Variants in SCAPER observed in about 807,000 individuals in gnomAD.
The protein encoded by SCAPER is S phase cyclin A-associated protein in the endoplasmic reticulum.
In SCAPER, 98 loss-of-function variants were observed where a neutral mutation model predicts 182.2. The observed-to-expected ratio is 0.54, with a 90% CI of 0.46 to 0.64. SCAPER has a LOEUF of 0.64. Among genes scored for constraint, SCAPER ranks in the 30% least tolerant of loss-of-function variants. SCAPER has a pLI of 0.00. For synonymous variants in SCAPER, 605 were observed against 564.6 expected, an observed-to-expected ratio of 1.07 and a Z score of -1.01; for missense variants, 1,432 against 1,690.0, an observed-to-expected ratio of 0.85 and a Z score of 2.68.
intron 22 of SCAPER, among the ~76,000 whole-genome samples, chr15:76,601,355 T>A (rs1446620642): frequency 1.6e-5 from 2 of 122,374 alleles, no homozygotes; most frequent in Non-Finnish European, 4.0e-5. Flanking sequence ...ACTGCATATA[T>A]GACAGTGGTC....
Position 76,434,296 on chromosome 15 carries a change from A to T in SCAPER, c.3093T>A (p.Asp1031Glu), listed in dbSNP as rs1217935233. 2 of 1,607,410 alleles carry T rather than the reference A, an allele frequency of 1.2e-6. No individual in the cohort carries two copies. The highest frequency in any genetic ancestry group is 3.4e-5 in the Admixed American group (2 of 59,094). Reference sequence around the variant, plus strand: ...TTCTCCCCAAAATAGTATTATTTTCATCTGGAACATAAACCTAGATGAAAA... The same window carrying T: ...TTCTCCCCAAAATAGTATTATTTTCTTCTGGAACATAAACCTAGATGAAAA... ...LIHQLTVYVP[D>E]ENNTILGRNT... The change falls in exon 26 of 32, where the codon GAT becomes GAA. Residue 1031 changes from aspartate (D) to glutamate (E), a missense_variant. Around this residue, in one of 5 missense-constraint regions of SCAPER, gnomAD observed 718 missense variants for 799.7 expected, o/e 0.90. Transcript: ENST00000563290.
At chr15:76,746,708 T>C (rs1334546059) in intron 15 of SCAPER, among the ~76,000 whole-genome samples, 2 of 152,236 alleles carry the variant, frequency 1.3e-5, no homozygotes, top group Non-Finnish European at 2.9e-5. Context: ...TAAAAATTGA[T>C]TGTGTGTCTA....
chr15:76,446,786 T>C (rs2048028547), intron 25 of SCAPER, among the ~76,000 whole-genome samples: 1 of 152,166 alleles, frequency 6.6e-6, no homozygotes, highest in South Asian at 2.1e-4. Context: ...TACTGTGAAA[T>C]ATATACAGAC....
intron 20 of SCAPER, among the ~76,000 whole-genome samples, chr15:76,685,311 C>T (rs62028172): frequency 0.067 from 10,140 of 151,368 alleles, 374 homozygotes; most frequent in Middle Eastern, 0.1. Context: ...TGGATATGAG[C>T]CAATGTGATT....
chr15:76,476,762 A>G (rs2143008892), intron 24 of SCAPER, among the ~76,000 whole-genome samples: 1 of 152,046 alleles, frequency 6.6e-6, no homozygotes, highest in Non-Finnish European at 1.5e-5. Flanking sequence ...AGAATTTTCT[A>G]AGTACTTAAT....
Position 76,647,472 on chromosome 15 carries a change from C to T in SCAPER, c.2645+18181G>A, listed in dbSNP as rs530005608. ...GAAATAAGTCCTATGATTGTCTCAC[C>T]CTTTGTGCCTGAAGGCACTTTCCAG... On this transcript the variant is annotated intron_variant, in intron 21 of 31. Coordinates refer to ENST00000563290, the MANE Select transcript of SCAPER (RefSeq NM_020843.4). Among the ~76,000 whole-genome samples the T allele has an allele frequency of 3.3e-5, 5 of 152,286 alleles. No homozygotes were observed. In the East Asian group the frequency reaches 7.7e-4, roughly 23 times the overall value.
chr15:76,881,510 ATAT>A (rs1047345915), intron 2 of SCAPER, among the ~76,000 whole-genome samples: 1 of 152,226 alleles, frequency 6.6e-6, no homozygotes, highest in African/African-American at 2.4e-5. Context: ...AAAACGTAAT[ATAT>A]TATTATTATT....
At chr15:76,675,166 A>C (rs1017630413) in intron 20 of SCAPER, among the ~76,000 whole-genome samples, 5 of 152,242 alleles carry the variant, frequency 3.3e-5, no homozygotes, top group Admixed American at 3.3e-4. Flanking sequence ...TAAATTCACC[A>C]TAATAGTTTA....
intron 8 of SCAPER, among the ~76,000 whole-genome samples, chr15:76,780,617 C>G (rs192350485): frequency 6.8e-4 from 104 of 152,290 alleles, no homozygotes; most frequent in African/African-American, 2.2e-3. Context: ...TGGAAGATAC[C>G]TCCCTGTAGG....
At chr15:76,453,591 T>C (rs1350381271) in intron 25 of SCAPER, among the ~76,000 whole-genome samples, 2 of 152,234 alleles carry the variant, frequency 1.3e-5, no homozygotes, top group Admixed American at 6.5e-5. Context: ...GCCTATCAGG[T>C]AGCAGACAGT....
At chr15:76,864,400 T>C (rs1683598327) in intron 2 of SCAPER, among the ~76,000 whole-genome samples, 1 of 152,232 alleles carries the variant, frequency 6.6e-6, no homozygotes, top group African/African-American at 2.4e-5. Flanking sequence ...TTACAGCATT[T>C]ACGTATGGTT....
chr15:76,437,252 T>C (rs1162540839), intron 25 of SCAPER, among the ~76,000 whole-genome samples: 3 of 152,184 alleles, frequency 2.0e-5, no homozygotes, highest in African/African-American at 7.2e-5. Context: ...TTTTCTGAGA[T>C]AGCCAGTAAC....
chr15:76,714,910 G>A (rs1049450874), intron 17 of SCAPER, among the ~76,000 whole-genome samples: 9 of 151,560 alleles, frequency 5.9e-5, no homozygotes, highest in Non-Finnish European at 1.3e-4. Context: ...CCACATTAAC[G>A]GATTAAAGGA....
intron 24 of SCAPER, among the ~76,000 whole-genome samples, chr15:76,472,860 T>C (rs1389825531): frequency 6.6e-6 from 1 of 152,154 alleles, no homozygotes; most frequent in African/African-American, 2.4e-5. Flanking sequence ...ACAAATCCCT[T>C]GTGGTATGAA....
chr15:76,823,331 G>A (rs1391848141), intron 5 of SCAPER, among the ~76,000 whole-genome samples: 1 of 151,912 alleles, frequency 6.6e-6, no homozygotes, highest in African/African-American at 2.4e-5. Context: ...ATGGTGGCAG[G>A]CCCCTGTAAT....
chr15:76,862,626 G>C (rs2071968033), intron 2 of SCAPER, 93 bp from the exon 3 acceptor site: 1 of 829,764 alleles, frequency 1.2e-6, no homozygotes, highest in Non-Finnish European at 1.8e-6. Context: ...TTCTCAGAAA[G>C]AAAACACTTA....
At position 76,600,918 on chromosome 15, in the gene SCAPER, A is replaced by T. The variant is rs1248661885; in HGVS notation, c.2711+20846T>A. Among the ~76,000 whole-genome samples, 5 of 121,574 alleles carry T rather than the reference A, an allele frequency of 4.1e-5. 2 individuals are homozygous for T. Among genetic ancestry groups the T allele is most frequent in the Non-Finnish European group, 1.0e-4 (5 of 50,102 alleles). The allele number at this position is 121,574 out of a possible 152,430, so 79.8% of individuals were successfully genotyped here. On this transcript the variant is annotated intron_variant, in intron 22 of 31. Coordinates refer to ENST00000563290, the MANE Select transcript of SCAPER (RefSeq NM_020843.4). Reference sequence around the variant, plus strand: ...ACAAAACAGAAAACAAAAAGATCGAATCTATACATTTTAAAGCAATTTTTG... The same window carrying T: ...ACAAAACAGAAAACAAAAAGATCGATTCTATACATTTTAAAGCAATTTTTG...
chr15:76,387,346 T>A (rs559539634), intron 27 of SCAPER, among the ~76,000 whole-genome samples: 2 of 152,312 alleles, frequency 1.3e-5, no homozygotes, highest in Admixed American at 1.3e-4. Context: ...GAAATAAGCT[T>A]CCCAAGCATA....
intron 1 of SCAPER, 57 bp from the exon 2 acceptor site, chr15:76,883,933 T>C (rs922111345): frequency 1.2e-6 from 1 of 837,480 alleles, no homozygotes; most frequent in Non-Finnish European, 1.8e-6. Context: ...ACCATAATTA[T>C]TCATAAAAAG....
Sources: allele counts gnomAD v4.1 joint callset (sites outside exome capture counted in the v4.1 genomes callset), GRCh38; gene constraint gnomAD v4.1.1; regional missense constraint gnomAD v4.1.1; transcripts MANE v1.5; gene names NCBI Gene and HGNC (gene_info 2026-07-23, HGNC 2026-07-21).